RHBDF2: variants seen among roughly 807,000 people sequenced by gnomAD.
RHBDF2 encodes inactive rhomboid protein 2.
A neutral mutation model predicts 95.2 loss-of-function variants in RHBDF2; 38 were observed. The ratio of observed to expected loss-of-function variants is 0.40; its 90% CI spans 0.31 to 0.52. RHBDF2 has a LOEUF of 0.52. Among genes scored for constraint, RHBDF2 ranks in the 20% least tolerant of loss-of-function variants. The probability of loss-of-function intolerance (pLI) is 0.56; values close to 1 mark genes in which losing one functional copy is unlikely to be tolerated. For synonymous variants in RHBDF2, 442 were observed against 462.0 expected (o/e 0.96, Z 0.55); for missense variants, 863 against 1,137.7 (o/e 0.76, Z 3.47).
chr17:76,493,878 C>T (rs2074371577), intron 1 of RHBDF2, among the ~76,000 whole-genome samples: 1 of 152,268 alleles, frequency 6.6e-6, no homozygotes, highest in South Asian at 2.1e-4. Flanking sequence ...CTCCTCCTCG[C>T]CCCTCCAGGG....
At chr17:76,499,337 C>T (rs974292107) in intron 1 of RHBDF2, among the ~76,000 whole-genome samples, 4 of 152,132 alleles carry the variant, frequency 2.6e-5, no homozygotes, top group Non-Finnish European at 2.9e-5. Context: ...TGGGCATGGA[C>T]GTGGCTGCTT....
At chr17:76,495,419 C>T (rs4788927) in intron 1 of RHBDF2, among the ~76,000 whole-genome samples, 149,248 of 152,338 alleles carry the variant, frequency 0.98, 73,194 homozygotes, top group Middle Eastern at 1. Flanking sequence ...GACAGGGTCA[C>T]AGGCCCATCT....
intron 1 of RHBDF2, among the ~76,000 whole-genome samples, chr17:76,489,631 G>GT (rs2144353032): frequency 2.0e-5 from 3 of 152,298 alleles, no homozygotes; most frequent in African/African-American, 7.2e-5. Flanking sequence ...CCGCCTGTTT[G>GT]TTTTTAAGAA....
At chr17:76,480,009 G>C in intron 3 of RHBDF2, 155 bp from the exon 4 acceptor site, 1 of 68,918 alleles carries the variant, frequency 1.5e-5, no homozygotes, top group Non-Finnish European at 2.7e-5. Context: ...TATATATAAT[G>C]TGTGTGTGTG....
At chr17:76,492,094 A>G (rs961850144) in intron 1 of RHBDF2, among the ~76,000 whole-genome samples, 11 of 152,202 alleles carry the variant, frequency 7.2e-5, no homozygotes, top group Non-Finnish European at 1.3e-4. Flanking sequence ...CCAACCCCAG[A>G]GAAGGGCCTT....
intron 18 of RHBDF2, chr17:76,472,392 C>G (rs1324041984): frequency 3.5e-6 from 2 of 568,736 alleles, no homozygotes; most frequent in Non-Finnish European, 6.3e-6. Flanking sequence ...CGACGGCGCA[C>G]GGAGGCCATT....
At chr17:76,488,385 A>G (rs1169739695) in intron 1 of RHBDF2, among the ~76,000 whole-genome samples, 1 of 152,120 alleles carries the variant, frequency 6.6e-6, no homozygotes, top group Non-Finnish European at 1.5e-5. Context: ...CTTTAGTCCC[A>G]GCTACTCGGG....
intron 1 of RHBDF2, among the ~76,000 whole-genome samples, chr17:76,489,839 A>G (rs1316618162): frequency 6.6e-6 from 1 of 152,198 alleles, no homozygotes; most frequent in Non-Finnish European, 1.5e-5. Context: ...GGGTTTGGTA[A>G]CTTGCCCAAG....
Position 76,487,715 on chromosome 17 carries a change from C to A in RHBDF2, c.-25G>T, listed in dbSNP as rs981999275. 1 of 152,654 alleles carries A rather than the reference C, an allele frequency of 6.6e-6. No individual in the cohort carries two copies. The allele number at this position is 152,654 out of a possible 1,614,324, so 9.5% of individuals were successfully genotyped here. On this transcript the variant is annotated 5_prime_UTR_variant, in exon 2 of 19. Transcript: ENST00000675367. The stretch of plus-strand genomic sequence containing the variant: ...ACCCGGCCGCCCAGCTTCCTACCTT[C>A]GAGTCTGAGTTTGCCCGCGGCTTCC...
rs752835627 is a variant in RHBDF2, at chr17:76,478,911, G to A, written c.567C>T (p.Ser189=). ...PHPPLTPGVL[S]LTSFTSVRSG... is the part of the protein sequence containing the mutation. ...AACGGACACTGGTGAAGGAGGTGAGGGACAGGACTCCGGGGGTCAGCGGTG... is the reference window on the plus strand; with the variant it reads ...AACGGACACTGGTGAAGGAGGTGAGAGACAGGACTCCGGGGGTCAGCGGTG... Residue 189 remains serine (S), a synonymous_variant, in exon 6 of 19, where the codon TCC becomes TCT. Transcript: ENST00000675367. 3.1e-6 allele frequency: 5 copies of A among 1,610,118 alleles called. No individual in the cohort carries two copies. The East Asian group carries it at 6.7e-5, about 22-fold the overall frequency.
chr17:76,478,980 G>T lies in RHBDF2; in HGVS notation c.498C>A (p.Ala166=), dbSNP rs1370186610. 1 of 1,595,008 alleles carries T rather than the reference G, an allele frequency of 6.3e-7. No homozygotes were observed. Among genetic ancestry groups the T allele is most frequent in the Non-Finnish European group, 8.6e-7 (1 of 1,168,582 alleles). The change falls in exon 6 of 19, where the codon GCC becomes GCA. Residue 166 remains alanine, a synonymous_variant. Coordinates refer to ENST00000675367, the MANE Select transcript of RHBDF2 (RefSeq NM_001005498.4). ...TGTCCATCTCCTCCGGGTGGCGGAAGGCCCGGCCCCGGGCCAGCGGATCCA... is the reference window on the plus strand; with the variant it reads ...TGTCCATCTCCTCCGGGTGGCGGAATGCCCGGCCCCGGGCCAGCGGATCCA... The part of the protein sequence containing the change: ...KIVDPLARGR[A]FRHPEEMDRP...
intron 1 of RHBDF2, among the ~76,000 whole-genome samples, chr17:76,498,818 G>GTGTGTGTGTGTC (rs2074499721): frequency 2.0e-5 from 3 of 150,698 alleles, no homozygotes; most frequent in African/African-American, 7.4e-5. Flanking sequence ...GTGTGTGTGT[G>GTGTGTGTGTGTC]TGTGTGAGTC....
At chr17:76,498,301 AG>A (rs1200783980) in intron 1 of RHBDF2, among the ~76,000 whole-genome samples, 2 of 152,168 alleles carry the variant, frequency 1.3e-5, no homozygotes, top group Non-Finnish European at 1.5e-5. Context: ...CGCTTCCGAC[AG>A]CCAGCGCTTC....
intron 6 of RHBDF2, among the ~76,000 whole-genome samples, 196 bp from the exon 7 acceptor site, chr17:76,477,981 A>G (rs61403323): frequency 0.058 from 8,760 of 152,276 alleles, 528 homozygotes; most frequent in African/African-American, 0.13. Flanking sequence ...AGGAAATGAG[A>G]CACCAGCTTC....
chr17:76,478,803 C>T lies in RHBDF2; in HGVS notation c.672+3G>A, dbSNP rs763391812. 15 of 1,609,790 alleles carry T rather than the reference C, an allele frequency of 9.3e-6. No homozygotes were observed. Among genetic ancestry groups the T allele is most frequent in the Non-Finnish European group, 1.3e-5 (15 of 1,178,038 alleles). The stretch of plus-strand genomic sequence containing the variant: ...GGGGGCCCTGCAGGAGGGAGCCCCG[C>T]ACCTTGAGGAGGGCAGCGGCAGCTT... On this transcript the variant is annotated splice_donor_region_variant and intron_variant, in intron 6 of 18. Coordinates refer to ENST00000675367, the MANE Select transcript of RHBDF2 (RefSeq NM_001005498.4).
intron 12 of RHBDF2, 84 bp from the exon 13 acceptor site, chr17:76,474,226 C>T: frequency 2.3e-6 from 3 of 1,316,920 alleles, no homozygotes; most frequent in Non-Finnish European, 3.2e-6. Flanking sequence ...CTTTTCCCAT[C>T]TCCCCAGGGC....
chr17:76,473,694 C>A lies in RHBDF2; in HGVS notation c.1687G>T (p.Asp563Tyr). The part of the protein sequence containing the change: ...RSNHTGFLHM[D>Y]CEIKGRPCCI... ...CAGGGGCGGCCCTTGATCTCGCAGTCCATGTGCAGGAAGCCTGTGTGGTTG... is the reference window on the plus strand; with the variant it reads ...CAGGGGCGGCCCTTGATCTCGCAGTACATGTGCAGGAAGCCTGTGTGGTTG... The change falls in exon 15 of 19, where the codon GAC becomes TAC. Residue 563 changes from aspartate to tyrosine, a missense_variant. Transcript: ENST00000675367. 1 of 1,612,504 alleles carries A rather than the reference C, an allele frequency of 6.2e-7. No individual in the cohort carries two copies. The highest frequency in any genetic ancestry group is 8.5e-7 in the Non-Finnish European group (1 of 1,179,482).
At chr17:76,498,823 T>TGTGTGTGTGTGTGTGTGA in intron 1 of RHBDF2, among the ~76,000 whole-genome samples, 1 of 141,212 alleles carries the variant, frequency 7.1e-6, no homozygotes, top group Admixed American at 7.2e-5. Context: ...TGTGTGTGTG[T>TGTGTGTGTGTGTGTGTGA]GAGTCTGTGT....
At chr17:76,495,547 C>T (rs976302398) in intron 1 of RHBDF2, among the ~76,000 whole-genome samples, 2 of 152,186 alleles carry the variant, frequency 1.3e-5, no homozygotes, top group Non-Finnish European at 2.9e-5. Context: ...TCACCATGAA[C>T]GAGGGCTCAC....
Sources: allele counts gnomAD v4.1 joint callset (sites outside exome capture counted in the v4.1 genomes callset), GRCh38; gene constraint gnomAD v4.1.1; transcripts MANE v1.5; gene names NCBI Gene and HGNC (gene_info 2026-07-23, HGNC 2026-07-21).